Variants in SAMD5 observed in about 807,000 individuals in gnomAD.
SAMD5 encodes sterile alpha motif domain containing 5, also known as sterile alpha motif domain-containing protein 5.
Under a neutral mutation model 11.3 loss-of-function variants are expected in SAMD5, and 13 were observed. That is an observed-to-expected ratio of 1.15 (90% CI 0.75 to 1.83). The LOEUF is 1.83. Among genes scored for constraint, SAMD5 ranks in the 40% most tolerant of loss-of-function variants. The pLI is 0.00. For missense variants in SAMD5, 255 were observed against 239.1 expected, an observed-to-expected ratio of 1.07 and a Z score of -0.44; for synonymous variants, 129 against 111.3, an observed-to-expected ratio of 1.16 and a Z score of -1.00.
chr6:147,522,346 TA>T (rs375604599), intron 1 of SAMD5, among the ~76,000 whole-genome samples: 13 of 152,156 alleles, frequency 8.5e-5, no homozygotes, highest in African/African-American at 3.1e-4. Flanking sequence ...ATGACTATAT[TA>T]AGGAAAAGCA....
intron 1 of SAMD5, among the ~76,000 whole-genome samples, chr6:147,622,626 C>T (rs1248194742): frequency 6.6e-6 from 1 of 152,206 alleles, no homozygotes; most frequent in Non-Finnish European, 1.5e-5. Flanking sequence ...TCCTGTCACT[C>T]ATCCCTGGTG....
the SAMD5 span, chr6:147,743,470 T>G: frequency 1.3e-5 from 2 of 150,888 alleles, no homozygotes; most frequent in Non-Finnish European, 2.9e-5. Flanking sequence ...GCCACTGCAC[T>G]CCAGCCTGGG....
the SAMD5 span, among the ~76,000 whole-genome samples, chr6:147,941,050 A>G: frequency 6.6e-6 from 1 of 152,166 alleles, no homozygotes; most frequent in Non-Finnish European, 1.5e-5. Context: ...CTACTCTAAC[A>G]TCTTTCTTGA....
the SAMD5 span, among the ~76,000 whole-genome samples, chr6:147,882,578 A>G: frequency 1.3e-5 from 2 of 152,184 alleles, no homozygotes; most frequent in Admixed American, 1.3e-4. Flanking sequence ...CAACATAGCA[A>G]GACTCTGCCT....
At chr6:147,940,725 G>A in the SAMD5 span, among the ~76,000 whole-genome samples, 1 of 152,172 alleles carries the variant, frequency 6.6e-6, no homozygotes, top group Non-Finnish European at 1.5e-5. Flanking sequence ...TACTTTGGGA[G>A]GCCAAGGCAG....
At chr6:147,656,899 CGTGT>C (rs55906300) in intron 1 of SAMD5, among the ~76,000 whole-genome samples, 22,386 of 149,012 alleles carry the variant, frequency 0.15, 1,909 homozygotes, top group East Asian at 0.25. Flanking sequence ...ATACAGTATA[CGTGT>C]GTGTGTGTGT....
chr6:147,913,372 A>G, the SAMD5 span, among the ~76,000 whole-genome samples: 6 of 152,194 alleles, frequency 3.9e-5, no homozygotes, highest in African/African-American at 7.2e-5. Context: ...GATTGATCAA[A>G]CACATACATG....
the SAMD5 span, among the ~76,000 whole-genome samples, chr6:147,830,003 C>T: frequency 6.6e-6 from 1 of 151,974 alleles, no homozygotes; most frequent in African/African-American, 2.4e-5. Flanking sequence ...ATGAGAGAAG[C>T]ATGATAAATC....
chr6:147,799,887 A>G, the SAMD5 span, among the ~76,000 whole-genome samples: 1 of 152,032 alleles, frequency 6.6e-6, no homozygotes, highest in South Asian at 2.1e-4. Context: ...TGCATTCTTC[A>G]CGTAGTTCTG....
chr6:147,731,654 A>AAAG (rs1334049302), intron 1 of SAMD5, among the ~76,000 whole-genome samples: 4 of 136,904 alleles, frequency 2.9e-5, no homozygotes, highest in African/African-American at 8.4e-5. Context: ...GGCCACTACA[A>AAAG]AAAAAAAAAA....
chr6:147,938,774 TGGA>T, the SAMD5 span, among the ~76,000 whole-genome samples: 3 of 152,226 alleles, frequency 2.0e-5, no homozygotes, highest in Non-Finnish European at 2.9e-5. Context: ...ATGGGGCCAG[TGGA>T]GGAGGAGTGG....
chr6:147,653,952 T>C (rs1170279396), intron 1 of SAMD5, among the ~76,000 whole-genome samples: 1 of 152,200 alleles, frequency 6.6e-6, no homozygotes, highest in Non-Finnish European at 1.5e-5. Context: ...CCTATTCTTT[T>C]ACAACACTGG....
the SAMD5 span, among the ~76,000 whole-genome samples, chr6:147,913,308 A>C: frequency 0.59 from 89,587 of 152,012 alleles, 27,238 homozygotes; most frequent in African/African-American, 0.74. Context: ...CAGAATTTCA[A>C]GCAAATATTG....
intron 1 of SAMD5, among the ~76,000 whole-genome samples, chr6:147,604,989 C>A (rs1276410936): frequency 1.3e-5 from 2 of 152,156 alleles, no homozygotes; most frequent in Non-Finnish European, 1.5e-5. Context: ...ATAATCAGAG[C>A]CTTGACCACT....
At chr6:147,596,075 G>A (rs1198923358) in intron 1 of SAMD5, among the ~76,000 whole-genome samples, 1 of 152,136 alleles carries the variant, frequency 6.6e-6, no homozygotes, top group Non-Finnish European at 1.5e-5. Flanking sequence ...TCCCTTCTAT[G>A]TTTGTCAGTT....
At chr6:147,938,306 A>G in the SAMD5 span, among the ~76,000 whole-genome samples, 1 of 151,898 alleles carries the variant, frequency 6.6e-6, no homozygotes, top group Non-Finnish European at 1.5e-5. Flanking sequence ...ATTACTGACA[A>G]CAGTACTAAA....
the SAMD5 span, among the ~76,000 whole-genome samples, chr6:147,883,180 G>A: frequency 6.6e-6 from 1 of 152,190 alleles, no homozygotes; most frequent in Non-Finnish European, 1.5e-5. Flanking sequence ...AATGTAGTAG[G>A]CACGCTTGTG....
At chr6:147,774,187 C>A in the SAMD5 span, among the ~76,000 whole-genome samples, 1 of 152,144 alleles carries the variant, frequency 6.6e-6, no homozygotes, top group Non-Finnish European at 1.5e-5. Context: ...GAGGGCTCTA[C>A]TCCTACAATT....
intron 1 of SAMD5, among the ~76,000 whole-genome samples, chr6:147,669,130 G>C (rs1024380013): frequency 1.3e-5 from 2 of 152,082 alleles, no homozygotes; most frequent in African/African-American, 4.8e-5. Context: ...TTCCTTTCGT[G>C]AAAGACTTCT....
Sources: allele counts gnomAD v4.1 joint callset (sites outside exome capture counted in the v4.1 genomes callset), GRCh38; gene constraint gnomAD v4.1.1; transcripts MANE v1.5; gene names NCBI Gene and HGNC (gene_info 2026-07-23, HGNC 2026-07-21).